The following ARMH3 variants were observed in gnomAD, a reference collection of about 807,000 sequenced individuals.
ARMH3 encodes armadillo like helical domain containing 3.
ARMH3 carries 60 observed loss-of-function variants against 99.1 expected under a neutral mutation model. That is an observed-to-expected ratio of 0.61 (90% CI 0.49 to 0.75). The LOEUF is 0.75. Among genes scored for constraint, ARMH3 ranks in the 30% least tolerant of loss-of-function variants. ARMH3 has a pLI of 0.00. For synonymous variants in ARMH3, 285 were observed against 292.8 expected, an observed-to-expected ratio of 0.97 and a Z score of 0.27; for missense variants, 679 against 843.1, an observed-to-expected ratio of 0.81 and a Z score of 2.41.
At chr10:102,008,035 G>A (rs2066545233) in intron 13 of ARMH3, among the ~76,000 whole-genome samples, 1 of 152,104 alleles carries the variant, frequency 6.6e-6, no homozygotes, top group Admixed American at 6.6e-5. Flanking sequence ...TAAGCTGAGT[G>A]ATAGCTGTTT....
intron 1 of ARMH3, among the ~76,000 whole-genome samples, chr10:102,052,872 A>G (rs1007818446): frequency 1.3e-5 from 2 of 152,078 alleles, no homozygotes; most frequent in African/African-American, 4.8e-5. Context: ...TACATCCTAC[A>G]AGCAACCTGA....
intron 23 of ARMH3, among the ~76,000 whole-genome samples, chr10:101,936,515 A>T (rs1843984341): frequency 6.6e-6 from 1 of 151,116 alleles, no homozygotes; most frequent in African/African-American, 2.4e-5. Context: ...AAAAGAAAGG[A>T]AAAATGAAGA....
chr10:101,884,001 C>T (rs2067480159), intron 24 of ARMH3, among the ~76,000 whole-genome samples: 1 of 151,808 alleles, frequency 6.6e-6, no homozygotes, highest in South Asian at 2.1e-4. Flanking sequence ...CACACACACA[C>T]ACACACACAC....
chr10:101,954,184 C>T (rs1488745298), intron 22 of ARMH3, among the ~76,000 whole-genome samples: 2 of 152,052 alleles, frequency 1.3e-5, no homozygotes, highest in African/African-American at 2.4e-5. Flanking sequence ...AGAGAAAGAC[C>T]CTGTCTCAAG....
chr10:101,881,253 A>G (rs1263371208), intron 24 of ARMH3, among the ~76,000 whole-genome samples: 2 of 152,226 alleles, frequency 1.3e-5, no homozygotes, highest in Non-Finnish European at 2.9e-5. Flanking sequence ...ATATGAGGGT[A>G]CCAGCAGAAC....
intron 11 of ARMH3, among the ~76,000 whole-genome samples, chr10:102,010,712 T>C (rs963281797): frequency 2.6e-5 from 4 of 152,242 alleles, no homozygotes; most frequent in Non-Finnish European, 4.4e-5. Context: ...TAGAGCTTCA[T>C]GTGTTTGGTA....
chr10:102,029,033 C>A (rs973622175), intron 5 of ARMH3, among the ~76,000 whole-genome samples: 4 of 152,134 alleles, frequency 2.6e-5, no homozygotes, highest in African/African-American at 9.7e-5. Context: ...TGCCACCATA[C>A]GCAGATAATT....
rs983504037 is a variant in ARMH3 at position 101,874,634 on chromosome 10, G to A, written c.1860+14778C>T. Reference sequence around the variant, plus strand: ...TCTAATAAGCTCAATCATTTGCTAAGCTGAGGAACTTCTGGGGTCCTGCCA... The same window carrying A: ...TCTAATAAGCTCAATCATTTGCTAAACTGAGGAACTTCTGGGGTCCTGCCA... On this transcript the variant is annotated intron_variant, in intron 24 of 25. Coordinates refer to ENST00000370033, the MANE Select transcript of ARMH3 (RefSeq NM_024541.3). 3.9e-5 allele frequency among the ~76,000 whole-genome samples: 6 copies of A among 152,164 alleles called. No homozygotes were observed. The South Asian group carries it at 1.2e-3, about 31-fold the overall frequency.
At chr10:101,983,167 A>T (rs1456561037) in intron 19 of ARMH3, among the ~76,000 whole-genome samples, 1 of 152,224 alleles carries the variant, frequency 6.6e-6, no homozygotes, top group Non-Finnish European at 1.5e-5. Context: ...AGGGTTGGTC[A>T]CCAGGGAGAC....
intron 22 of ARMH3, among the ~76,000 whole-genome samples, chr10:101,946,467 G>A (rs1448814320): frequency 2.0e-5 from 3 of 152,094 alleles, no homozygotes; most frequent in Non-Finnish European, 4.4e-5. Flanking sequence ...AGCCAAGAGT[G>A]CACCACTGCA....
chr10:101,951,355 A>G (rs536461762), intron 22 of ARMH3, among the ~76,000 whole-genome samples: 1 of 152,274 alleles, frequency 6.6e-6, no homozygotes, highest in East Asian at 1.9e-4. Context: ...GGATCGCTTG[A>G]GCCCAAGAGT....
rs1396264395 is a variant in ARMH3 at position 101,981,943 on chromosome 10, TG to T, written c.1407-6644del. 3.5e-5 allele frequency among the ~76,000 whole-genome samples: 5 copies of T among 144,862 alleles called. No individual in the cohort carries two copies. In the East Asian group the frequency reaches 1.0e-3, roughly 30 times the overall value. ...CTGAGGCAGGAGAATGGCGTGAACT[TG>T]CAGTGAGGTGGAGCTTGCAGTGAGC... On this transcript the variant is annotated intron_variant, in intron 19 of 25. Transcript: ENST00000370033.
chr10:102,006,470 C>T, intron 14 of ARMH3, 70 bp downstream of exon 14: 1 of 1,519,310 alleles, frequency 6.6e-7, no homozygotes, highest in South Asian at 1.1e-5. Flanking sequence ...CTTTGTTGAA[C>T]ACAGCTATGC....
chr10:102,034,957 C>T (rs1176096447), intron 2 of ARMH3, among the ~76,000 whole-genome samples: 2 of 152,058 alleles, frequency 1.3e-5, no homozygotes, highest in African/African-American at 4.8e-5. Context: ...AGTAAATAGG[C>T]CAGGCACAGT....
chr10:101,957,000 A>G (rs1845070275), intron 21 of ARMH3, among the ~76,000 whole-genome samples: 1 of 152,232 alleles, frequency 6.6e-6, no homozygotes, highest in African/African-American at 2.4e-5. Context: ...CTGGAGATTT[A>G]TAACTATTAT....
chr10:101,974,859 G>A (rs926079658), intron 20 of ARMH3, among the ~76,000 whole-genome samples: 4 of 151,640 alleles, frequency 2.6e-5, no homozygotes, highest in Non-Finnish European at 4.4e-5. Context: ...AAATGAAACC[G>A]AGTGAGAACC....
intron 2 of ARMH3, among the ~76,000 whole-genome samples, chr10:102,038,208 C>A (rs559451970): frequency 4.6e-5 from 7 of 150,842 alleles, no homozygotes; most frequent in Non-Finnish European, 1.0e-4. Flanking sequence ...CATTCTCCTA[C>A]CTCAGCCTCC....
chr10:101,891,162 T>C (rs999724269), intron 23 of ARMH3, among the ~76,000 whole-genome samples: 1 of 151,474 alleles, frequency 6.6e-6, no homozygotes, highest in African/African-American at 2.4e-5. Flanking sequence ...GCATGAGCCA[T>C]TGCTCCTGAC....
chr10:101,949,173 C>A (rs1394285212), intron 22 of ARMH3, among the ~76,000 whole-genome samples: 1 of 151,536 alleles, frequency 6.6e-6, no homozygotes, highest in Non-Finnish European at 1.5e-5. Context: ...TATGCTTGCA[C>A]CCTAAAAAAC....
Sources: gnomAD v4.1 joint callset for allele counts (sites outside exome capture counted in the v4.1 genomes callset) on GRCh38, gnomAD v4.1.1 for gene constraint, MANE v1.5 for transcripts, NCBI Gene and HGNC (gene_info 2026-07-23, HGNC 2026-07-21) for gene names.